Variants in IGSF10 observed in about 807,000 individuals in gnomAD.
IGSF10 encodes immunoglobulin superfamily member 10, also known as calvaria mechanical force protein 608.
In IGSF10, 126 loss-of-function variants were observed where a neutral mutation model predicts 128.2. The ratio of observed to expected loss-of-function variants is 0.98; its 90% CI spans 0.85 to 1.14. The LOEUF is 1.14. Ranked by LOEUF, IGSF10 falls within the 50% of genes most tolerant of loss-of-function variation. The pLI is 0.00. For synonymous variants in IGSF10, 1,185 were observed against 1,146.2 expected, an observed-to-expected ratio of 1.03 and a Z score of -0.68; for missense variants, 3,295 against 3,149.8, an observed-to-expected ratio of 1.05 and a Z score of -1.10.
the IGSF10 span, among the ~76,000 whole-genome samples, chr3:151,562,019 G>A: frequency 6.6e-6 from 1 of 152,136 alleles, no homozygotes; most frequent in Non-Finnish European, 1.5e-5. Context: ...ATCTTGAAAA[G>A]GGGCTGAGTA....
the IGSF10 span, among the ~76,000 whole-genome samples, chr3:151,579,227 G>A: frequency 6.6e-6 from 1 of 152,166 alleles, no homozygotes; most frequent in Admixed American, 6.5e-5. Flanking sequence ...TGCATTAAAT[G>A]TGTAGTATAA....
In IGSF10 at chr3:151,453,606, G is replaced by A; in HGVS notation, c.493C>T (p.Leu165Phe). 6.2e-7 allele frequency: 1 copy of A among 1,613,996 alleles called. No individual in the cohort carries two copies. Among genetic ancestry groups the A allele is most frequent in the South Asian group, 1.1e-5 (1 of 91,074 alleles). The change falls in exon 5 of 8, where the codon CTC becomes TTC. Residue 165 changes from leucine (L) to phenylalanine (F), a missense_variant. Physicochemically the swap from Leu to Phe is conservative, Grantham distance 22. Transcript: ENST00000282466. The part of the protein sequence containing the change: ...LRLVHLEGNQ[L>F]TKLHPDTFVS... ...AATGTATCTGGGTGGAGCTTAGTGA[G>A]CTGATTTCCTTCCAAGTGCACCAGG...
the IGSF10 span, among the ~76,000 whole-genome samples, chr3:151,482,599 G>C: frequency 6.6e-6 from 1 of 152,190 alleles, no homozygotes; most frequent in Admixed American, 6.5e-5. Context: ...ATAGAAAGAA[G>C]AGATGGAGAA....
In IGSF10 at chr3:151,445,749, T is replaced by G. The variant is rs553436471; in HGVS notation, c.4232A>C (p.His1411Pro). ...ATCTGTCAGATTAAGAGTTCTTGAA[T>G]GAAAACTGATTGTGCTTGAAATCCC... The part of the protein sequence containing the change: ...TTGISSTISF[H>P]SRTLNLTDVI... Residue 1411 changes from histidine to proline, a missense_variant, in exon 6 of 8, where the codon CAT (histidine) becomes CCT (proline). Coordinates refer to ENST00000282466, the MANE Select transcript of IGSF10 (RefSeq NM_178822.5). 12 of 1,614,070 alleles carry G rather than the reference T, an allele frequency of 7.4e-6. 1 individual carries two copies. In the African/African-American group the frequency reaches 9.3e-5, roughly 13 times the overall value.
rs1445356570 is a variant in IGSF10 at position 151,447,882 on chromosome 3, G to A, written c.2099C>T (p.Thr700Ile). Reference sequence around the variant, plus strand: ...AACCTCAGCCTCCATCAGAGCAGATGTACGGAGTTGTGCACCTGGTGGCTC... The same window carrying A: ...AACCTCAGCCTCCATCAGAGCAGATATACGGAGTTGTGCACCTGGTGGCTC... ...LKEPPGAQLR[T>I]SALMEAEVGK... The change falls in exon 6 of 8, where the codon ACA (threonine) becomes ATA (isoleucine). Residue 700 changes from threonine (T) to isoleucine (I), a missense_variant. Transcript: ENST00000282466. 1 of 1,614,078 alleles carries A rather than the reference G, an allele frequency of 6.2e-7. No homozygotes were observed. Among genetic ancestry groups the A allele is most frequent in the African/African-American group, 1.3e-5 (1 of 75,006 alleles).
chr3:151,592,278 CAT>C, the IGSF10 span, among the ~76,000 whole-genome samples: 2 of 151,938 alleles, frequency 1.3e-5, no homozygotes, highest in East Asian at 1.9e-4. Flanking sequence ...CGCACACACA[CAT>C]GTAAGGGGCT....
At chr3:151,614,456 T>C in the IGSF10 span, among the ~76,000 whole-genome samples, 16 of 152,150 alleles carry the variant, frequency 1.1e-4, 1 homozygote, top group Admixed American at 8.5e-4. Flanking sequence ...ATTAAGAAAA[T>C]GTGGCACATA....
the IGSF10 span, among the ~76,000 whole-genome samples, chr3:151,604,696 G>A: frequency 2.6e-5 from 4 of 151,188 alleles, no homozygotes; most frequent in South Asian, 6.3e-4. Context: ...GCTGCCAAAG[G>A]CTTGTTTGGT....
At chr3:151,615,302 C>A in the IGSF10 span, among the ~76,000 whole-genome samples, 31 of 152,126 alleles carry the variant, frequency 2.0e-4, 1 homozygote, top group Admixed American at 1.2e-3. Context: ...ATGTCTATAT[C>A]ACTATTTTTA....
chr3:151,502,060 T>C, the IGSF10 span, among the ~76,000 whole-genome samples: 1 of 152,018 alleles, frequency 6.6e-6, no homozygotes, highest in Non-Finnish European at 1.5e-5. Context: ...CCCCCATATA[T>C]CCAGCCACAT....
intron 4 of IGSF10, 111 bp downstream of exon 4, chr3:151,456,915 A>G (rs944870939): frequency 7.7e-5 from 81 of 1,054,244 alleles, no homozygotes; most frequent in Admixed American, 1.6e-4. Context: ...TCTGCTTCTA[A>G]TTTACAGAAT....
chr3:151,484,065 T>C, the IGSF10 span, among the ~76,000 whole-genome samples: 1 of 152,212 alleles, frequency 6.6e-6, no homozygotes, highest in African/African-American at 2.4e-5. Context: ...GAAATTCTCA[T>C]GCCAGCACAG....
chr3:151,481,341 G>A, the IGSF10 span, among the ~76,000 whole-genome samples: 43 of 152,244 alleles, frequency 2.8e-4, no homozygotes, highest in African/African-American at 7.0e-4. Flanking sequence ...TTCCCTACCC[G>A]CAGGGTCCAA....
Position 151,453,433 on chromosome 3 carries a change from G to T in IGSF10, c.666C>A (p.Thr222=). The T allele has an allele frequency of 6.2e-7, 1 of 1,611,810 alleles. No individual in the cohort carries two copies. The highest frequency in any genetic ancestry group is 1.7e-5 in the Admixed American group (1 of 59,484). Reference sequence around the variant, plus strand: ...ACAACCACTTTAAATGGCAATCACAGGTCCATGGGTTTCCATGCAGGTAAA... The same window carrying T: ...ACAACCACTTTAAATGGCAATCACATGTCCATGGGTTTCCATGCAGGTAAA... ...DSLYLHGNPW[T]CDCHLKWLSD... Residue 222 remains threonine (T), a synonymous_variant, in exon 5 of 8, where the codon ACC becomes ACA. Transcript: ENST00000282466.
the IGSF10 span, among the ~76,000 whole-genome samples, chr3:151,532,263 C>G: frequency 6.6e-6 from 1 of 152,152 alleles, no homozygotes; most frequent in Non-Finnish European, 1.5e-5. Flanking sequence ...CCAAGAGGAG[C>G]TGGTACCATT....
chr3:151,511,790 CA>C, the IGSF10 span, among the ~76,000 whole-genome samples: 2 of 149,654 alleles, frequency 1.3e-5, no homozygotes, highest in African/African-American at 4.9e-5. Context: ...AAATGGAAAA[CA>C]AAAAAAAGGA....
the IGSF10 span, among the ~76,000 whole-genome samples, chr3:151,539,939 A>G: frequency 6.6e-6 from 1 of 152,144 alleles, no homozygotes; most frequent in Admixed American, 6.6e-5. Context: ...GGGAATTTGT[A>G]GTGAGAGGCT....
chr3:151,607,850 G>A, the IGSF10 span, among the ~76,000 whole-genome samples: 1 of 138,338 alleles, frequency 7.2e-6, no homozygotes, highest in Non-Finnish European at 1.5e-5. Context: ...GGCAGATCTT[G>A]CAGTGAGCTG....
the IGSF10 span, among the ~76,000 whole-genome samples, chr3:151,600,863 G>A: frequency 6.6e-6 from 1 of 151,896 alleles, no homozygotes; most frequent in African/African-American, 2.4e-5. Context: ...GCCTGAAGTT[G>A]GACATTGTTT....
Sources: gnomAD v4.1 joint callset for allele counts (sites outside exome capture counted in the v4.1 genomes callset) on GRCh38, gnomAD v4.1.1 for gene constraint, MANE v1.5 for transcripts, NCBI Gene and HGNC (gene_info 2026-07-23, HGNC 2026-07-21) for gene names.